Variants in ANXA4 observed in about 807,000 individuals in gnomAD.
ANXA4 encodes 35-beta calcimedin.
ANXA4 carries 39 observed loss-of-function variants against 49.8 expected under a neutral mutation model. The ratio of observed to expected loss-of-function variants is 0.78; its 90% confidence interval spans 0.61 to 1.02. The LOEUF is 1.02. ANXA4 is among the 50% of genes least tolerant of loss of function. The pLI is 0.00. For missense variants in ANXA4, 360 were observed against 410.1 expected (o/e 0.88, Z 1.05); for synonymous variants, 134 against 152.5 (o/e 0.88, Z 0.89).
intron 3 of ANXA4, among the ~76,000 whole-genome samples, chr2:69,797,341 T>A (rs1032218377): frequency 1.3e-5 from 2 of 152,158 alleles, no homozygotes; most frequent in East Asian, 3.9e-4. Flanking sequence ...GTTGCAGGTG[T>A]GACCCCCAAG....
At chr2:69,734,530 T>C (rs1364231201) in intron 3 of ANXA4, among the ~76,000 whole-genome samples, 1 of 152,212 alleles carries the variant, frequency 6.6e-6, no homozygotes, top group Non-Finnish European at 1.5e-5. Context: ...CATTTGACCA[T>C]GAACAAAGAA....
chr2:69,804,041 G>C (rs1002652414), intron 3 of ANXA4, among the ~76,000 whole-genome samples: 1 of 151,580 alleles, frequency 6.6e-6, no homozygotes, highest in Non-Finnish European at 1.5e-5. Context: ...AGGAGGCTGA[G>C]GCAGGAGAAT....
At chr2:69,671,437 T>C (rs1677183525) in intron 2 of ANXA4, among the ~76,000 whole-genome samples, 2 of 152,128 alleles carry the variant, frequency 1.3e-5, no homozygotes, top group African/African-American at 4.8e-5. Context: ...AAAATATGAA[T>C]TGGGCATGGT....
intron 2 of ANXA4, among the ~76,000 whole-genome samples, chr2:69,668,119 A>G (rs1034507908): frequency 1.3e-5 from 2 of 152,056 alleles, no homozygotes; most frequent in African/African-American, 4.8e-5. Context: ...GGAGCCGGGT[A>G]GCCTTTAATT....
At chr2:69,802,763 G>T (rs917311498) in intron 3 of ANXA4, among the ~76,000 whole-genome samples, 2 of 151,852 alleles carry the variant, frequency 1.3e-5, no homozygotes, top group African/African-American at 4.8e-5. Flanking sequence ...TGGCTTGACT[G>T]GGGGGAAGAG....
intron 3 of ANXA4, among the ~76,000 whole-genome samples, chr2:69,732,403 G>C (rs1201780630): frequency 6.6e-6 from 1 of 152,070 alleles, no homozygotes; most frequent in Non-Finnish European, 1.5e-5. Context: ...CTGATATCTA[G>C]AAGTGATATA....
At chr2:69,822,939 G>T (rs961328142) in intron 12 of ANXA4, among the ~76,000 whole-genome samples, 13 of 151,574 alleles carry the variant, frequency 8.6e-5, no homozygotes, top group African/African-American at 2.9e-4. Context: ...ACAAGAAAAA[G>T]TCTCTGAATT....
rs1405968419 is a variant in ANXA4, at chr2:69,788,857, AAG to A, written c.97+719_97+720del. 2.3e-4 allele frequency among the ~76,000 whole-genome samples: 34 copies of A among 148,932 alleles called. 1 individual carries two copies. The highest frequency in any genetic ancestry group is 7.1e-4 in the African/African-American group (29 of 40,814). ...CATCTCAAAAAAAAAAAAAAAAAGA[AAG>A]AGGGAAAGAAGGGAAGAAGGAAGGA... On this transcript the variant is annotated intron_variant, in intron 3 of 12. Coordinates refer to ENST00000394295, the MANE Select transcript of ANXA4 (RefSeq NM_001153.5).
At chr2:69,667,098 T>C (rs1029092312) in intron 2 of ANXA4, among the ~76,000 whole-genome samples, 55 of 151,390 alleles carry the variant, frequency 3.6e-4, no homozygotes, top group African/African-American at 1.3e-3. Flanking sequence ...TAAAATAAAA[T>C]AGTAAAATAA....
intron 1 of ANXA4, among the ~76,000 whole-genome samples, chr2:69,756,054 A>C (rs778551368): frequency 2.0e-5 from 3 of 152,232 alleles, no homozygotes; most frequent in Non-Finnish European, 4.4e-5. Flanking sequence ...TAGTAACTTG[A>C]AATTGGTCAG....
intron 5 of ANXA4, among the ~76,000 whole-genome samples, chr2:69,807,247 C>T (rs550742662): frequency 5.9e-5 from 9 of 152,080 alleles, no homozygotes; most frequent in Non-Finnish European, 8.8e-5. Context: ...TATCTCTAGA[C>T]AGCTAACTAC....
chr2:69,683,550 A>C (rs1677671308), intron 2 of ANXA4, among the ~76,000 whole-genome samples: 1 of 152,086 alleles, frequency 6.6e-6, no homozygotes, highest in Non-Finnish European at 1.5e-5. Context: ...CTTCTGAGAA[A>C]CCAAAGAGGA....
chr2:69,676,280 A>G (rs1677411000), intron 2 of ANXA4, among the ~76,000 whole-genome samples: 1 of 152,144 alleles, frequency 6.6e-6, no homozygotes, highest in African/African-American at 2.4e-5. Context: ...TAAACTAAAC[A>G]GATGTGGTTC....
chr2:69,811,112 AG>A (rs1438192141), intron 7 of ANXA4: 1 of 160,480 alleles, frequency 6.2e-6, no homozygotes, highest in East Asian at 1.7e-4. Context: ...TTCATGACAG[AG>A]ATGCTGGTTC....
chr2:69,762,882 C>T (rs1399161137), intron 1 of ANXA4, among the ~76,000 whole-genome samples: 2 of 152,104 alleles, frequency 1.3e-5, no homozygotes, highest in East Asian at 3.9e-4. Flanking sequence ...CACACACACT[C>T]ATACTCACTC....
chr2:69,766,885 C>G (rs1334006844), intron 1 of ANXA4, among the ~76,000 whole-genome samples: 2 of 152,186 alleles, frequency 1.3e-5, no homozygotes, highest in Admixed American at 6.5e-5. Context: ...AAAGTCTTTT[C>G]TACCCTAACA....
At chr2:69,711,028 A>T (rs948756016) in intron 2 of ANXA4, among the ~76,000 whole-genome samples, 5 of 152,204 alleles carry the variant, frequency 3.3e-5, no homozygotes, top group Non-Finnish European at 7.4e-5. Context: ...CAGAGCACTT[A>T]ATTAATAATA....
intron 1 of ANXA4, among the ~76,000 whole-genome samples, chr2:69,753,587 G>T (rs1389185259): frequency 5.3e-5 from 8 of 152,214 alleles, no homozygotes; most frequent in South Asian, 2.1e-4. Context: ...GAGAAAGGGG[G>T]AATTTGGCTG....
chr2:69,752,234 A>T (rs1251000524), intron 1 of ANXA4, among the ~76,000 whole-genome samples: 1 of 152,202 alleles, frequency 6.6e-6, no homozygotes, highest in Non-Finnish European at 1.5e-5. Context: ...AACTAAGTCC[A>T]TTCTGTAGGT....
Sources: gnomAD v4.1 joint callset for allele counts (sites outside exome capture counted in the v4.1 genomes callset) on GRCh38, gnomAD v4.1.1 for gene constraint, MANE v1.5 for transcripts, NCBI Gene and HGNC (gene_info 2026-07-23, HGNC 2026-07-21) for gene names.